The following EBF3 variants were observed in gnomAD, a reference collection of about 807,000 sequenced individuals.
EBF3 encodes the protein EBF transcription factor 3, also known as transcription factor COE3.
EBF3 carries 18 observed loss-of-function variants against 77.1 expected under a neutral mutation model. The ratio of observed to expected loss-of-function variants is 0.23; its 90% CI spans 0.16 to 0.35. The LOEUF is 0.35. EBF3 is among the 10% of genes least tolerant of loss of function. EBF3 has a pLI of 1.00. For missense variants in EBF3, 558 were observed against 860.0 expected (o/e 0.65, Z 4.39); for synonymous variants, 350 against 343.5 (o/e 1.02, Z -0.21).
chr10:129,959,371 C>A (rs778258300), intron 4 of EBF3, among the ~76,000 whole-genome samples: 5 of 151,870 alleles, frequency 3.3e-5, no homozygotes, highest in Non-Finnish European at 5.9e-5. Flanking sequence ...CCCGGGGCTC[C>A]CGGGCCCCTT....
chr10:129,957,696 G>A (rs1211040725), intron 5 of EBF3, among the ~76,000 whole-genome samples: 1 of 152,182 alleles, frequency 6.6e-6, no homozygotes, highest in Middle Eastern at 3.2e-3. Context: ...ACCTCTAATT[G>A]TCAAGCTGTT....
intron 6 of EBF3, among the ~76,000 whole-genome samples, chr10:129,941,256 A>G (rs1032962379): frequency 6.6e-6 from 1 of 152,250 alleles, no homozygotes; most frequent in African/African-American, 2.4e-5. Context: ...CAAGGATATC[A>G]GCTTACAGGG....
rs1366800284 is a variant in EBF3 at position 129,842,776 on chromosome 10, A to AG, written c.1194+360_1194+361insC. ...AAGACCCTGTCTAAAAAAAAAAAAAAAAAAAGGGAGCAACATTTGCTGTGT... is the reference window on the plus strand; with the variant it reads ...AAGACCCTGTCTAAAAAAAAAAAAAAGAAAAAGGGAGCAACATTTGCTGTGT... On this transcript the variant is annotated intron_variant, in intron 12 of 16. Coordinates refer to ENST00000440978, the MANE Select transcript of EBF3 (RefSeq NM_001375380.1). The surrounding 1 kb of genome is among the most constrained non-coding windows in gnomAD (Gnocchi z 4.4). 6.6e-6 allele frequency among the ~76,000 whole-genome samples: 1 copy of AG among 150,988 alleles called. No homozygotes were observed. Among genetic ancestry groups the AG allele is most frequent in the Non-Finnish European group, 1.5e-5 (1 of 67,728 alleles).
chr10:129,942,586 C>G (rs1289580841), intron 6 of EBF3, among the ~76,000 whole-genome samples: 1 of 152,162 alleles, frequency 6.6e-6, no homozygotes, highest in Non-Finnish European at 1.5e-5. Flanking sequence ...ACAACTCGGG[C>G]CCCGGGGCAC....
At chr10:129,909,773 TC>T (rs1408644860) in intron 6 of EBF3, among the ~76,000 whole-genome samples, 4 of 151,678 alleles carry the variant, frequency 2.6e-5, no homozygotes, top group African/African-American at 9.7e-5. Context: ...GGCCCTGGGG[TC>T]CCCCCAGAAC....
chr10:129,900,695 T>C (rs1854717217), intron 6 of EBF3, among the ~76,000 whole-genome samples: 1 of 152,252 alleles, frequency 6.6e-6, no homozygotes, highest in East Asian at 1.9e-4. Flanking sequence ...GATGGTGCTG[T>C]AGCCAGGCTT....
intron 6 of EBF3, among the ~76,000 whole-genome samples, chr10:129,937,121 T>G (rs1226560633): frequency 6.6e-6 from 1 of 152,102 alleles, no homozygotes; most frequent in Admixed American, 6.5e-5. Flanking sequence ...GGACTGGCTG[T>G]CTGAAAGTGG....
chr10:129,926,710 T>C (rs1048740277), intron 6 of EBF3, among the ~76,000 whole-genome samples: 1 of 151,806 alleles, frequency 6.6e-6, no homozygotes, highest in African/African-American at 2.4e-5. Context: ...AAAACAAACA[T>C]GGGAGAATGG....
At chr10:129,961,948 CAA>C (rs1258286146) in intron 4 of EBF3, among the ~76,000 whole-genome samples, 2 of 152,178 alleles carry the variant, frequency 1.3e-5, no homozygotes, top group East Asian at 3.8e-4. Context: ...ATTCCAATCA[CAA>C]GACATTTAAT....
chr10:129,856,257 T>C (rs1851244137), intron 10 of EBF3, among the ~76,000 whole-genome samples: 3 of 152,164 alleles, frequency 2.0e-5, no homozygotes, highest in Admixed American at 2.0e-4. Context: ...AAAGTGAATG[T>C]CATGTTTCCA....
At chr10:129,931,576 C>A (rs909122633) in intron 6 of EBF3, among the ~76,000 whole-genome samples, 2 of 152,264 alleles carry the variant, frequency 1.3e-5, no homozygotes, top group Non-Finnish European at 2.9e-5. Context: ...CGACTGTGAG[C>A]GCCCTGAGGG....
rs775071337 is a variant in EBF3 at position 129,841,053 on chromosome 10, G to A, written c.1373-21C>T. 3.8e-6 allele frequency: 3 copies of A among 785,874 alleles called. No individual in the cohort carries two copies. The allele number at this position is 785,874 out of a possible 1,614,324, so 48.7% of individuals were successfully genotyped here. A position where few individuals can be genotyped will look rare whatever the true frequency, so the allele number is the denominator to read the frequency against. On this transcript the variant is annotated intron_variant, in intron 13 of 16. Transcript: ENST00000440978. This position sits in a 1 kb window ranked among gnomAD's most constrained non-coding sequence, Gnocchi z 4.6. ...GCCGACTGTTGAAATCCCCCCCCCG[G>A]CCAAAAATAACATTATTATCAGCGA...
chr10:129,959,137 C>T, intron 4 of EBF3, 130 bp from the exon 5 acceptor site: 1 of 1,078,440 alleles, frequency 9.3e-7, no homozygotes, highest in East Asian at 2.9e-5. Context: ...CGCCCCCCTC[C>T]CTCGGCCACC....
At chr10:129,874,337 G>A (rs1564845384) in intron 7 of EBF3, among the ~76,000 whole-genome samples, 2 of 152,162 alleles carry the variant, frequency 1.3e-5, no homozygotes, top group Non-Finnish European at 2.9e-5. Flanking sequence ...AGAGATCACA[G>A]ATCAGGCCCT....
chr10:129,945,445 A>C (rs1024140527), intron 6 of EBF3, among the ~76,000 whole-genome samples: 4 of 152,210 alleles, frequency 2.6e-5, no homozygotes, highest in African/African-American at 7.2e-5. Context: ...GATTGATCAG[A>C]GGGCTCTGTA....
intron 12 of EBF3, 37 bp downstream of exon 12, chr10:129,843,100 G>A (rs994750859): frequency 6.2e-7 from 1 of 1,604,282 alleles, no homozygotes; most frequent in South Asian, 1.1e-5. Flanking sequence ...TCTGGCATGG[G>A]GGGGAGGATG....
intron 8 of EBF3, among the ~76,000 whole-genome samples, chr10:129,871,250 A>G (rs74869747): frequency 2.0e-5 from 3 of 152,092 alleles, no homozygotes; most frequent in African/African-American, 4.8e-5. Flanking sequence ...AGTGACAAGG[A>G]AAAAAAATTA....
chr10:129,864,365 A>G lies in EBF3; in HGVS notation c.1039+2776T>C, dbSNP rs1039798838. Among the ~76,000 whole-genome samples the G allele has an allele frequency of 6.6e-6, 1 of 152,130 alleles. No homozygotes were observed. Among genetic ancestry groups the G allele is most frequent in the African/African-American group, 2.4e-5 (1 of 41,424 alleles). On this transcript the variant is annotated intron_variant, in intron 10 of 16. Transcript: ENST00000440978. The surrounding 1 kb of genome is among the most constrained non-coding windows in gnomAD (Gnocchi z 4.4). ...ACAGGCAGCTCCTCCCACCCTACAC[A>G]TCCGCAACTGTCTCCAAATGCACAG...
chr10:129,917,888 T>C (rs1856004702), intron 6 of EBF3, among the ~76,000 whole-genome samples: 1 of 152,092 alleles, frequency 6.6e-6, no homozygotes, highest in Admixed American at 6.5e-5. Context: ...CAGTAGCAGA[T>C]AAGGTGTAAT....
Sources: allele counts gnomAD v4.1 joint callset (sites outside exome capture counted in the v4.1 genomes callset), GRCh38; gene constraint gnomAD v4.1.1; non-coding constraint Gnocchi (gnomAD v3.1); transcripts MANE v1.5; gene names NCBI Gene and HGNC (gene_info 2026-07-23, HGNC 2026-07-21).